CBL: variants seen among roughly 807,000 people sequenced by gnomAD.
CBL encodes the protein E3 ubiquitin-protein ligase CBL.
CBL carries 45 observed loss-of-function variants against 96.9 expected under a neutral mutation model. The observed-to-expected ratio is 0.46, with a 90% CI of 0.37 to 0.60. The LOEUF (loss-of-function observed/expected upper bound fraction) is 0.60. CBL is among the 20% of genes least tolerant of loss of function. CBL has a pLI of 0.00. For missense variants in CBL, 1,024 were observed against 1,143.5 expected (o/e 0.90, Z 1.51); for synonymous variants, 420 against 426.8 (o/e 0.98, Z 0.20).
At chr11:119,290,351 T>C (rs1469432841) in intron 12 of CBL, among the ~76,000 whole-genome samples, 1 of 151,634 alleles carries the variant, frequency 6.6e-6, no homozygotes, top group African/African-American at 2.4e-5. Flanking sequence ...CAGCCCACTT[T>C]TAATTTTTTA....
chr11:119,291,932 T>C (rs1950029837), intron 12 of CBL, among the ~76,000 whole-genome samples: 1 of 152,032 alleles, frequency 6.6e-6, no homozygotes, highest in Non-Finnish European at 1.5e-5. Context: ...TCTCAGCTCA[T>C]TGCAACCTTT....
At chr11:119,233,436 C>A (rs7940651) in intron 2 of CBL, among the ~76,000 whole-genome samples, 1 of 152,118 alleles carries the variant, frequency 6.6e-6, no homozygotes, top group Non-Finnish European at 1.5e-5. Flanking sequence ...GTTTCACCAT[C>A]TTGGCCAGGC....
At chr11:119,220,428 G>T (rs572917582) in intron 1 of CBL, among the ~76,000 whole-genome samples, 1 of 152,250 alleles carries the variant, frequency 6.6e-6, no homozygotes, top group East Asian at 1.9e-4. Context: ...GGATAACATA[G>T]CAAGACCCTG....
At position 119,244,581 on chromosome 11, in the gene CBL, A is replaced by T. The variant is rs1173140221; in HGVS notation, c.443+11886A>T. ...AGGTGCATGCTACCATGCCCGGCTA[A>T]TTTTTTTTTTTTTTTTTTGAGACGG... On this transcript the variant is annotated intron_variant, in intron 2 of 15. Coordinates refer to ENST00000264033, the MANE Select transcript of CBL (RefSeq NM_005188.4). Among the ~76,000 whole-genome samples the T allele has an allele frequency of 1.2e-4, 13 of 104,390 alleles. 1 individual carries two copies. The South Asian group carries it at 2.7e-3, about 22-fold the overall frequency. The allele number at this position is 104,390 out of a possible 152,430, so 68.5% of individuals were successfully genotyped here. A position where few individuals can be genotyped will look rare whatever the true frequency, so the allele number is the denominator to read the frequency against.
intron 2 of CBL, among the ~76,000 whole-genome samples, chr11:119,247,724 T>C (rs1379529152): frequency 6.6e-6 from 1 of 152,164 alleles, no homozygotes; most frequent in Non-Finnish European, 1.5e-5. Flanking sequence ...GGCAGGAGAA[T>C]TGCTTGAAAC....
At chr11:119,256,542 T>G (rs1949712318) in intron 2 of CBL, among the ~76,000 whole-genome samples, 1 of 152,184 alleles carries the variant, frequency 6.6e-6, no homozygotes, top group Non-Finnish European at 1.5e-5. Flanking sequence ...TGATGCTCTT[T>G]TTTTTAGATT....
intron 2 of CBL, among the ~76,000 whole-genome samples, chr11:119,239,614 C>A (rs887657231): frequency 6.6e-6 from 1 of 152,050 alleles, no homozygotes; most frequent in Non-Finnish European, 1.5e-5. Flanking sequence ...TTATTCTTGG[C>A]TATGTTGAAT....
chr11:119,298,296 A>T, intron 14 of CBL, 62 bp from the exon 15 acceptor site: 1 of 1,420,402 alleles, frequency 7.0e-7, no homozygotes, highest in Non-Finnish European at 1.0e-6. Flanking sequence ...GCTGCCCCGT[A>T]TTGAAATGTA....
At position 119,232,713 on chromosome 11, in the gene CBL, C is replaced by T. The variant is rs1245306495; in HGVS notation, c.443+18C>T. 6.2e-7 allele frequency: 1 copy of T among 1,610,410 alleles called. No individual in the cohort carries two copies. The highest frequency in any genetic ancestry group is 2.2e-5 in the East Asian group (1 of 44,866). ...CAGCCTAGGTAATGGAGAAATACTA[C>T]ACAAATAATTATGCAGGTCTGTGAC... On this transcript the variant is annotated intron_variant, in intron 2 of 15. Transcript: ENST00000264033.
intron 1 of CBL, among the ~76,000 whole-genome samples, chr11:119,219,111 C>T (rs1277189732): frequency 6.6e-6 from 1 of 152,066 alleles, no homozygotes; most frequent in African/African-American, 2.4e-5. Context: ...GGCGTGGTGG[C>T]TTACACCTGA....
At chr11:119,248,572 T>C (rs1400248330) in intron 2 of CBL, among the ~76,000 whole-genome samples, 1 of 152,066 alleles carries the variant, frequency 6.6e-6, no homozygotes, top group Non-Finnish European at 1.5e-5. Context: ...TAAGTGAAAA[T>C]CTTCATGAAT....
In CBL at chr11:119,305,806, T is replaced by C; in HGVS notation, c.*6025T>C. On this transcript the variant is annotated 3_prime_UTR_variant, in exon 16 of 16. Coordinates refer to ENST00000264033, the MANE Select transcript of CBL (RefSeq NM_005188.4). ...TGCTTGCCTAAATCTTTTGATCTTA[T>C]ATTTCTCTCATCTCAGAGCCTGTCC... 1 of 230,702 alleles carries C rather than the reference T, an allele frequency of 4.3e-6. No homozygotes were observed. Among genetic ancestry groups the C allele is most frequent in the East Asian group, 6.2e-5 (1 of 16,002 alleles). 14.3% of individuals were successfully genotyped at this position (230,702 alleles called of 1,614,324 possible).
At chr11:119,279,590 G>A (rs1448602219) in intron 9 of CBL, among the ~76,000 whole-genome samples, 1 of 152,106 alleles carries the variant, frequency 6.6e-6, no homozygotes, top group Non-Finnish European at 1.5e-5. Context: ...AATTCAAGGC[G>A]GGAGTGAGTT....
At chr11:119,269,996 CAAAA>C (rs1949831061) in intron 2 of CBL, among the ~76,000 whole-genome samples, 1 of 138,042 alleles carries the variant, frequency 7.2e-6, no homozygotes, top group Non-Finnish European at 1.6e-5. Flanking sequence ...GACTCCGTCT[CAAAA>C]TAAATAAATA....
chr11:119,295,571 T>A (rs938229664), intron 12 of CBL, among the ~76,000 whole-genome samples: 18 of 151,158 alleles, frequency 1.2e-4, no homozygotes, highest in South Asian at 4.2e-4. Context: ...AAAAAAAAAT[T>A]TTTTTTAATT....
chr11:119,263,978 TATC>T (rs1285928924), intron 2 of CBL, among the ~76,000 whole-genome samples: 1 of 152,224 alleles, frequency 6.6e-6, no homozygotes, highest in East Asian at 1.9e-4. Context: ...GCAGTATAAT[TATC>T]ATCATCTATA....
intron 1 of CBL, among the ~76,000 whole-genome samples, chr11:119,209,741 C>A (rs1477267804): frequency 6.6e-6 from 1 of 152,158 alleles, no homozygotes; most frequent in Non-Finnish European, 1.5e-5. Context: ...AACTCTTAAT[C>A]AGTTTATTGA....
At chr11:119,217,994 C>T (rs963216457) in intron 1 of CBL, among the ~76,000 whole-genome samples, 29 of 151,962 alleles carry the variant, frequency 1.9e-4, no homozygotes, top group African/African-American at 6.8e-4. Flanking sequence ...GGAAGATCAC[C>T]CAGGAGTTTG....
At position 119,274,826 on chromosome 11, in the gene CBL, C is replaced by T. The variant is rs1398964671; in HGVS notation, c.748-6C>T. 6.3e-7 allele frequency: 1 copy of T among 1,597,092 alleles called. No homozygotes were observed. The highest frequency in any genetic ancestry group is 8.5e-7 in the Non-Finnish European group (1 of 1,170,786). On this transcript the variant is annotated splice_polypyrimidine_tract_variant and splice_region_variant and intron_variant, in intron 4 of 15. Coordinates refer to ENST00000264033, the MANE Select transcript of CBL (RefSeq NM_005188.4). ...GAATAGTCTGTGATTGATCTTGTTT[C>T]TTTAGCCCTGGTCCTCTTTGCTCAG... is the stretch of plus-strand genomic sequence containing the variant.
Sources: allele counts gnomAD v4.1 joint callset (sites outside exome capture counted in the v4.1 genomes callset), GRCh38; gene constraint gnomAD v4.1.1; transcripts MANE v1.5; gene names NCBI Gene and HGNC (gene_info 2026-07-23, HGNC 2026-07-21).